Variants in P3H1 observed in about 807,000 individuals in gnomAD.
P3H1 encodes prolyl 3-hydroxylase 1.
Under a neutral mutation model 84.0 loss-of-function variants are expected in P3H1, and 69 were observed. That is an observed-to-expected ratio of 0.82 (90% CI 0.68 to 1.00). The LOEUF (loss-of-function observed/expected upper bound fraction) is 1.00, where lower values mean the gene tolerates loss of function less well. P3H1 is among the 50% of genes least tolerant of loss of function. The pLI is 0.00. For synonymous variants in P3H1, 366 were observed against 388.8 expected, an observed-to-expected ratio of 0.94 and a Z score of 0.69; for missense variants, 878 against 962.8, an observed-to-expected ratio of 0.91 and a Z score of 1.17.
Position 42,766,506 on chromosome 1 carries a change from C to A in P3H1, c.465+1G>T. ...CCGCCTGGTTCCAGGCAGGTCTGCA[C>A]CTTGAAGTAGGCGACCTGCAGGTAG... On this transcript the variant is annotated splice_donor_variant, in intron 1 of 14. Coordinates refer to ENST00000296388, the MANE Select transcript of P3H1 (RefSeq NM_022356.4). LOFTEE classifies it high-confidence loss of function. 6.2e-7 allele frequency: 1 copy of A among 1,608,010 alleles called. No individual in the cohort carries two copies. The highest frequency in any genetic ancestry group is 8.5e-7 in the Non-Finnish European group (1 of 1,177,628).
Position 42,747,224 on chromosome 1 carries a change from C to A in P3H1, c.2055+48G>T, listed in dbSNP as rs773921230. 3.7e-6 allele frequency: 6 copies of A among 1,614,156 alleles called. No individual in the cohort carries two copies. The South Asian group carries it at 6.6e-5, about 18-fold the overall frequency. ...AGGCAAACCAAGGGCGCTCTGGGAA[C>A]GGGTCACCACAGCACCAGCTGCTCT... On this transcript the variant is annotated intron_variant, in intron 14 of 14. Transcript: ENST00000296388.
In P3H1 at chr1:42,747,732, C is replaced by G; in HGVS notation, c.1905G>C (p.Lys635Asn). ...GNFYFTELDA[K>N]TVTAEVQPQC... ...ACAAGGGAGCACTCACCGTCACGGT[C>G]TTGGCATCCAGTTCAGTGAAATAAA... is the stretch of plus-strand genomic sequence containing the variant. The change falls in exon 13 of 15, where the codon AAG (lysine) becomes AAC (asparagine). Residue 635 changes from lysine to asparagine, a missense_variant. By Grantham distance (94) the Lys-to-Asn change is moderately conservative (BLOSUM62 0). Transcript: ENST00000296388. 1 of 1,614,112 alleles carries G rather than the reference C, an allele frequency of 6.2e-7. No individual in the cohort carries two copies. Among genetic ancestry groups the G allele is most frequent in the Admixed American group, 1.7e-5 (1 of 60,024 alleles).
At chr1:42,764,735 C>A (rs1408895487) in intron 1 of P3H1, among the ~76,000 whole-genome samples, 1 of 152,166 alleles carries the variant, frequency 6.6e-6, no homozygotes, top group African/African-American at 2.4e-5. Context: ...AGTAAAGGCA[C>A]ACTAAAGGAG....
At chr1:42,757,071 A>C (rs1250952644) in intron 5 of P3H1, among the ~76,000 whole-genome samples, 3 of 152,174 alleles carry the variant, frequency 2.0e-5, no homozygotes, top group African/African-American at 4.8e-5. Context: ...GACTCCCCTT[A>C]ATGGCCATAA....
intron 6 of P3H1, 128 bp downstream of exon 6, chr1:42,755,420 C>A (rs1652342813): frequency 1.0e-6 from 1 of 1,002,722 alleles, no homozygotes; most frequent in East Asian, 2.4e-5. Context: ...CTGCCTTGCA[C>A]AGATCCCAGG....
intron 10 of P3H1, 46 bp downstream of exon 10, chr1:42,752,228 C>T (rs1262204597): frequency 2.0e-6 from 3 of 1,504,716 alleles, no homozygotes; most frequent in African/African-American, 2.8e-5. Context: ...CTTCCCCCTT[C>T]CCCACCCCTT....
At chr1:42,749,325 C>T (rs926216334) in intron 11 of P3H1, among the ~76,000 whole-genome samples, 3 of 152,304 alleles carry the variant, frequency 2.0e-5, no homozygotes, top group African/African-American at 4.8e-5. Context: ...ATCTGTGCCA[C>T]GTACCAATGG....
intron 11 of P3H1, 145 bp from the exon 12 acceptor site, chr1:42,748,462 A>G: frequency 1.4e-6 from 1 of 733,896 alleles, no homozygotes; most frequent in South Asian, 1.4e-5. Flanking sequence ...CTAAGCCACA[A>G]GCCTAGGGGT....
rs1485451902 is a variant in P3H1, at chr1:42,755,229, A to G, written c.1171-12T>C. 1.2e-6 allele frequency: 2 copies of G among 1,613,312 alleles called. No homozygotes were observed. Among genetic ancestry groups the G allele is most frequent in the East Asian group, 2.2e-5 (1 of 44,886 alleles). ...GGAGTCCATGAATCCTAAGTAGGTC[A>G]GGAAGAAATGAAAAAGGTAAGATGA... On this transcript the variant is annotated splice_polypyrimidine_tract_variant and intron_variant, in intron 6 of 14. Coordinates refer to ENST00000296388, the MANE Select transcript of P3H1 (RefSeq NM_022356.4).
chr1:42,749,791 T>G (rs1431663919), intron 11 of P3H1: 4 of 200,744 alleles, frequency 2.0e-5, no homozygotes, highest in Non-Finnish European at 4.2e-5. Flanking sequence ...TTTTTGCTTT[T>G]AACAAGCCCT....
At chr1:42,751,049 C>T (rs1483369858) in intron 10 of P3H1, among the ~76,000 whole-genome samples, 9 of 117,588 alleles carry the variant, frequency 7.7e-5, no homozygotes, top group East Asian at 5.1e-4. Flanking sequence ...TGCCCAGCCA[C>T]GACCCCGTCT....
chr1:42,758,799 C>T, intron 4 of P3H1, 53 bp downstream of exon 4: 2 of 1,608,240 alleles, frequency 1.2e-6, no homozygotes, highest in African/African-American at 1.3e-5. Flanking sequence ...GCCCACCTTG[C>T]CTTTAGCTTC....
rs983158177 is a variant in P3H1 at position 42,747,728 on chromosome 1, C to T, written c.1909G>A (p.Val637Met). ...AAGGACAAGGGAGCACTCACCGTCACGGTCTTGGCATCCAGTTCAGTGAAA... is the reference window on the plus strand; with the variant it reads ...AAGGACAAGGGAGCACTCACCGTCATGGTCTTGGCATCCAGTTCAGTGAAA... ...FYFTELDAKT[V>M]TAEVQPQCGR... Residue 637 changes from valine to methionine, a missense_variant, in exon 13 of 15, where the codon GTG (valine) becomes ATG (methionine). Val to Met is a conservative substitution (Grantham distance 21). Coordinates refer to ENST00000296388, the MANE Select transcript of P3H1 (RefSeq NM_022356.4). The T allele has an allele frequency of 5.6e-6, 9 of 1,613,976 alleles. No homozygotes were observed. Among genetic ancestry groups the T allele is most frequent in the South Asian group, 3.3e-5 (3 of 91,078 alleles).
chr1:42,763,688 A>G (rs1284752723), intron 1 of P3H1, among the ~76,000 whole-genome samples: 1 of 151,028 alleles, frequency 6.6e-6, no homozygotes, highest in Admixed American at 6.6e-5. Context: ...AAAAAAAAAA[A>G]AAAAAAAAAA....
intron 6 of P3H1, 144 bp downstream of exon 6, chr1:42,755,404 T>C: frequency 1.1e-6 from 1 of 945,358 alleles, no homozygotes; most frequent in South Asian, 1.3e-5. Flanking sequence ...CATCTGTCTC[T>C]CATCCCTGCC....
intron 10 of P3H1, 142 bp from the exon 11 acceptor site, chr1:42,750,478 G>A (rs1376734498): frequency 1.1e-6 from 1 of 876,972 alleles, no homozygotes; most frequent in East Asian, 2.6e-5. Context: ...AATAATGGGG[G>A]TGGATCTTTC....
chr1:42,758,491 C>G (rs1570472989), intron 4 of P3H1, among the ~76,000 whole-genome samples: 1 of 152,330 alleles, frequency 6.6e-6, no homozygotes, highest in East Asian at 1.9e-4. Context: ...GGCAGCCCCA[C>G]AAAAGCATCA....
intron 14 of P3H1, 122 bp from the exon 15 acceptor site, chr1:42,746,974 C>T: frequency 6.2e-6 from 10 of 1,614,152 alleles, no homozygotes; most frequent in South Asian, 1.1e-5. Flanking sequence ...ATCTCCTTCC[C>T]AGCAGGTCCT....
Position 42,766,636 on chromosome 1 carries a change from G to A in P3H1, c.336C>T (p.Gly112=). 2 of 1,590,268 alleles carry A rather than the reference G, an allele frequency of 1.3e-6. No homozygotes were observed. The highest frequency in any genetic ancestry group is 2.3e-5 in the East Asian group (1 of 43,732). Residue 112 remains glycine, a synonymous_variant, in exon 1 of 15, where the codon GGC becomes GGT. Transcript: ENST00000296388. ...AALRDLSFFG[G]LLRRAACLRR... ...GCAGGCAGGCAGCGCGACGCAGAAGGCCCCCGAAGAAGCTCAGGTCGCGCA... is the reference window on the plus strand; with the variant it reads ...GCAGGCAGGCAGCGCGACGCAGAAGACCCCCGAAGAAGCTCAGGTCGCGCA...
Sources: gnomAD v4.1 joint callset for allele counts (sites outside exome capture counted in the v4.1 genomes callset) on GRCh38, gnomAD v4.1.1 for gene constraint, MANE v1.5 for transcripts, NCBI Gene and HGNC (gene_info 2026-07-23, HGNC 2026-07-21) for gene names.